Variants in GALNT17 observed in about 807,000 individuals in gnomAD.
The protein encoded by GALNT17 is UDP-GalNAc:polypeptide N-acetylgalactosaminyltransferase-like 3.
Under a neutral mutation model 63.7 loss-of-function variants are expected in GALNT17, and 29 were observed. The ratio of observed to expected loss-of-function variants is 0.46; its 90% CI spans 0.34 to 0.62. The LOEUF (loss-of-function observed/expected upper bound fraction) is 0.62, where lower values mean the gene tolerates loss of function less well. GALNT17 is among the 20% of genes least tolerant of loss of function. The probability of loss-of-function intolerance (pLI) is 0.01; values close to 1 mark genes in which losing one functional copy is unlikely to be tolerated. For missense variants in GALNT17, 603 were observed against 799.6 expected (o/e 0.75, Z 2.97); for synonymous variants, 305 against 318.3 (o/e 0.96, Z 0.45).
intron 1 of GALNT17, among the ~76,000 whole-genome samples, chr7:71,186,117 CTG>C (rs1284292610): frequency 1.3e-5 from 2 of 152,190 alleles, no homozygotes; most frequent in Admixed American, 6.5e-5. Flanking sequence ...TGTAAAGAAA[CTG>C]TGTATGCAAC....
At chr7:71,389,550 C>T (rs1051898430) in intron 3 of GALNT17, among the ~76,000 whole-genome samples, 2 of 152,092 alleles carry the variant, frequency 1.3e-5, no homozygotes, top group African/African-American at 4.8e-5. Context: ...TCCACAAAGC[C>T]ACTCCCTGAT....
intron 6 of GALNT17, among the ~76,000 whole-genome samples, chr7:71,590,073 G>C (rs973173758): frequency 6.6e-6 from 1 of 152,092 alleles, no homozygotes; most frequent in Non-Finnish European, 1.5e-5. Context: ...CTCATATATA[G>C]AGAACTGTAG....
intron 1 of GALNT17, among the ~76,000 whole-genome samples, chr7:71,141,228 A>G (rs1787883931): frequency 1.3e-5 from 2 of 151,974 alleles, no homozygotes; most frequent in African/African-American, 4.8e-5. Flanking sequence ...ATAGCCAGGC[A>G]TGGTGGCAAG....
In GALNT17 at chr7:71,693,167, A is replaced by C. The variant is rs1791481246; in HGVS notation, c.1500+15861A>C. On this transcript the variant is annotated intron_variant, in intron 9 of 10. Coordinates refer to ENST00000333538, the MANE Select transcript of GALNT17 (RefSeq NM_022479.3). The stretch of plus-strand genomic sequence containing the variant: ...AGTATATAAGTATATATTTAAGTAT[A>C]TACTATAATATAAATAGTGTGTGTG... 2.0e-5 allele frequency among the ~76,000 whole-genome samples: 3 copies of C among 150,274 alleles called. No individual in the cohort carries two copies. In the South Asian group the frequency reaches 6.4e-4, roughly 32 times the overall value.
At chr7:71,178,275 T>C (rs1788673957) in intron 1 of GALNT17, among the ~76,000 whole-genome samples, 1 of 152,228 alleles carries the variant, frequency 6.6e-6, no homozygotes, top group South Asian at 2.1e-4. Context: ...AAGTTCATTA[T>C]CATTTGTATT....
chr7:71,276,733 C>T (rs1473316900), intron 1 of GALNT17, among the ~76,000 whole-genome samples: 1 of 152,118 alleles, frequency 6.6e-6, no homozygotes, highest in Non-Finnish European at 1.5e-5. Context: ...TATGGTTGCT[C>T]ACACCTGTAA....
chr7:71,348,752 T>G (rs1396879313), intron 2 of GALNT17, among the ~76,000 whole-genome samples: 1 of 152,238 alleles, frequency 6.6e-6, no homozygotes, highest in Non-Finnish European at 1.5e-5. Flanking sequence ...AGATGAGAGC[T>G]GCAGGAGGGG....
intron 5 of GALNT17, among the ~76,000 whole-genome samples, chr7:71,506,181 A>G (rs1788262744): frequency 6.6e-6 from 1 of 152,252 alleles, no homozygotes; most frequent in Admixed American, 6.5e-5. Context: ...GTATCCATAA[A>G]AAATAAAATT....
intron 1 of GALNT17, among the ~76,000 whole-genome samples, chr7:71,245,173 A>G (rs903440734): frequency 6.6e-6 from 1 of 152,074 alleles, no homozygotes; most frequent in Non-Finnish European, 1.5e-5. Context: ...CTCGTCCTCC[A>G]TCCACTCGCT....
At chr7:71,278,389 C>T (rs1333397098) in intron 1 of GALNT17, among the ~76,000 whole-genome samples, 1 of 152,200 alleles carries the variant, frequency 6.6e-6, no homozygotes, top group African/African-American at 2.4e-5. Flanking sequence ...AGAATCCTTC[C>T]TTGCCACTTT....
intron 1 of GALNT17, among the ~76,000 whole-genome samples, chr7:71,198,197 CAAAAAAAAAA>C (rs755388218): frequency 1.3e-5 from 1 of 77,080 alleles, no homozygotes; most frequent in East Asian, 3.4e-4. Context: ...GACTCTGTCT[CAAAAAAAAAA>C]AAAAAAAAAG....
intron 1 of GALNT17, among the ~76,000 whole-genome samples, chr7:71,202,169 A>G (rs1585878391): frequency 6.6e-6 from 1 of 152,310 alleles, no homozygotes; most frequent in East Asian, 1.9e-4. Context: ...AACAATATAA[A>G]TAAGCAATGA....
intron 6 of GALNT17, among the ~76,000 whole-genome samples, chr7:71,660,526 T>A (rs947044969): frequency 1.3e-5 from 2 of 152,334 alleles, no homozygotes; most frequent in South Asian, 4.1e-4. Context: ...AACACTGATG[T>A]AGAGAATAGA....
chr7:71,614,864 CAA>C (rs1250541323), intron 6 of GALNT17, among the ~76,000 whole-genome samples: 1 of 87,382 alleles, frequency 1.1e-5, no homozygotes, highest in Non-Finnish European at 2.1e-5. Flanking sequence ...AACAGAAAAA[CAA>C]AGAAACAGGG....
chr7:71,252,336 C>G (rs933333853), intron 1 of GALNT17, among the ~76,000 whole-genome samples: 1 of 151,722 alleles, frequency 6.6e-6, no homozygotes, highest in African/African-American at 2.4e-5. Flanking sequence ...ACCAGCCTGG[C>G]CAACATGATG....
chr7:71,255,005 G>C (rs1037584419), intron 1 of GALNT17, among the ~76,000 whole-genome samples: 1 of 152,256 alleles, frequency 6.6e-6, no homozygotes, highest in African/African-American at 2.4e-5. Flanking sequence ...TCAGCTGTGA[G>C]AGGCGATGTC....
chr7:71,352,046 C>T (rs930626699), intron 2 of GALNT17, among the ~76,000 whole-genome samples: 4 of 152,058 alleles, frequency 2.6e-5, no homozygotes, highest in Admixed American at 1.3e-4. Context: ...CCACCCAAAT[C>T]TCATCTTGAA....
At chr7:71,167,532 T>G (rs1265000230) in intron 1 of GALNT17, among the ~76,000 whole-genome samples, 1 of 152,200 alleles carries the variant, frequency 6.6e-6, no homozygotes, top group Non-Finnish European at 1.5e-5. Flanking sequence ...TATTTTCTCC[T>G]AATGTGTGCC....
chr7:71,647,227 C>CTTTTTTTTTTTT (rs1167069191), intron 6 of GALNT17, among the ~76,000 whole-genome samples: 2 of 13,322 alleles, frequency 1.5e-4, no homozygotes, highest in African/African-American at 3.1e-4. Context: ...CTGTGCCCAG[C>CTTTTTTTTTTTT]TATTTTTTTT....
Sources: gnomAD v4.1 joint callset for allele counts (sites outside exome capture counted in the v4.1 genomes callset) on GRCh38, gnomAD v4.1.1 for gene constraint, MANE v1.5 for transcripts, NCBI Gene and HGNC (gene_info 2026-07-23, HGNC 2026-07-21) for gene names.